Variants in CNBD1 observed in about 807,000 individuals in gnomAD.
The protein encoded by CNBD1 is cyclic nucleotide-binding domain-containing protein 1.
A neutral mutation model predicts 54.4 loss-of-function variants in CNBD1; 71 were observed. The observed-to-expected ratio is 1.30, with a 90% CI of 1.08 to 1.59. CNBD1 has a LOEUF of 1.59. Among genes scored for constraint, CNBD1 ranks in the 40% most tolerant of loss-of-function variants. The probability of loss-of-function intolerance (pLI) is 0.00; values close to 1 mark genes in which losing one functional copy is unlikely to be tolerated. For missense variants in CNBD1, 659 were observed against 518.0 expected (o/e 1.27, Z -2.64); for synonymous variants, 182 against 170.7 (o/e 1.07, Z -0.51).
Position 87,343,724 on chromosome 8 carries a change from A to T in CNBD1, c.1043-7961A>T, listed in dbSNP as rs192462518. Among the ~76,000 whole-genome samples, 21 of 152,278 alleles carry T rather than the reference A, an allele frequency of 1.4e-4. No individual in the cohort carries two copies. In the Middle Eastern group the frequency reaches 0.017, roughly 123 times the overall value. On this transcript the variant is annotated intron_variant, in intron 8 of 10. Transcript: ENST00000518476. ...GCATATTTCTATCAGTAATCATTTT[A>T]AAAAATATTAACTTATTGGCAGTAT...
At chr8:87,272,333 A>G (rs1808385280) in intron 6 of CNBD1, among the ~76,000 whole-genome samples, 1 of 152,018 alleles carries the variant, frequency 6.6e-6, no homozygotes, top group African/African-American at 2.4e-5. Context: ...ACATGTATCT[A>G]AAAAATATGT....
At chr8:86,919,971 A>G (rs1011331592) in intron 3 of CNBD1, among the ~76,000 whole-genome samples, 4 of 152,092 alleles carry the variant, frequency 2.6e-5, no homozygotes, top group Non-Finnish European at 5.9e-5. Context: ...TTGAACAGCA[A>G]GTTTACTGTT....
intron 5 of CNBD1, among the ~76,000 whole-genome samples, chr8:87,225,995 C>T (rs1172065770): frequency 6.6e-6 from 1 of 151,486 alleles, no homozygotes; most frequent in Non-Finnish European, 1.5e-5. Flanking sequence ...AGGAATGTAT[C>T]CATTTCTTCT....
At chr8:87,394,086 A>G (rs939466055) in intron 2 of CNBD1, among the ~76,000 whole-genome samples, 1 of 151,920 alleles carries the variant, frequency 6.6e-6, no homozygotes, top group Admixed American at 6.6e-5. Context: ...TTCTATGGAC[A>G]TGATCACAGG....
intron 10 of CNBD1, among the ~76,000 whole-genome samples, chr8:87,360,886 C>T (rs75732931): frequency 0.019 from 2,840 of 151,914 alleles, 88 homozygotes; most frequent in African/African-American, 0.062. Context: ...ATACAAAGCA[C>T]AGGAGGTCAG....
chr8:87,248,497 C>T (rs1026037278), intron 6 of CNBD1, among the ~76,000 whole-genome samples: 5 of 152,196 alleles, frequency 3.3e-5, no homozygotes, highest in Admixed American at 1.3e-4. Flanking sequence ...TTTGTGTTCA[C>T]ATTTTTTTCT....
At chr8:87,198,345 G>A (rs1359238289) in intron 4 of CNBD1, among the ~76,000 whole-genome samples, 1 of 152,154 alleles carries the variant, frequency 6.6e-6, no homozygotes, top group East Asian at 1.9e-4. Context: ...CATTCACAGG[G>A]CGTTGTTGTT....
chr8:87,301,650 C>G (rs970320653), intron 8 of CNBD1, among the ~76,000 whole-genome samples: 7 of 152,026 alleles, frequency 4.6e-5, no homozygotes, highest in African/African-American at 1.4e-4. Flanking sequence ...AAGAGCAGAA[C>G]TGAAGGAAAT....
chr8:86,898,858 A>G (rs978513362), intron 2 of CNBD1, among the ~76,000 whole-genome samples: 1 of 152,188 alleles, frequency 6.6e-6, no homozygotes, highest in Non-Finnish European at 1.5e-5. Context: ...TCTGTCAAAG[A>G]CACTGTTAGA....
intron 4 of CNBD1, among the ~76,000 whole-genome samples, chr8:87,117,663 CAAGAT>C (rs1477927978): frequency 6.6e-6 from 1 of 152,102 alleles, no homozygotes; most frequent in Non-Finnish European, 1.5e-5. Context: ...AGTTAGAAAT[CAAGAT>C]AAGGAGTGAG....
rs972154603 is a variant in CNBD1, at chr8:87,231,710, C to G, written c.578-5209C>G. ...GACATATCATAGCATCAGGATATTT[C>G]ACCCCTAAACACTTCAGAGTGTATC... is the stretch of plus-strand genomic sequence containing the variant. On this transcript the variant is annotated intron_variant, in intron 5 of 10. Coordinates refer to ENST00000518476, the MANE Select transcript of CNBD1 (RefSeq NM_173538.3). 4.3e-4 allele frequency among the ~76,000 whole-genome samples: 65 copies of G among 152,116 alleles called. 3 individuals are homozygous for G. Among genetic ancestry groups the G allele is most frequent in the Admixed American group, 1.3e-4 (2 of 15,264 alleles).
intron 4 of CNBD1, among the ~76,000 whole-genome samples, chr8:87,099,058 AAAC>A (rs1369788031): frequency 7.5e-5 from 11 of 147,568 alleles, no homozygotes; most frequent in African/African-American, 2.6e-4. Flanking sequence ...AAAAAAAAAA[AAAC>A]AAAACTCCAA....
chr8:87,307,499 A>C (rs1349623735), intron 8 of CNBD1, among the ~76,000 whole-genome samples: 1 of 152,152 alleles, frequency 6.6e-6, no homozygotes, highest in Non-Finnish European at 1.5e-5. Context: ...GCATGTTTGG[A>C]GGCTGAGGCA....
At chr8:87,119,079 G>A (rs540047653) in intron 4 of CNBD1, among the ~76,000 whole-genome samples, 2 of 151,990 alleles carry the variant, frequency 1.3e-5, no homozygotes, top group East Asian at 1.9e-4. Flanking sequence ...GAGAACACAG[G>A]CCTTTTTTGG....
At chr8:87,412,728 C>A (rs943655141) in intron 2 of CNBD1, among the ~76,000 whole-genome samples, 2 of 151,984 alleles carry the variant, frequency 1.3e-5, no homozygotes, top group East Asian at 1.9e-4. Flanking sequence ...TCACAGGAGC[C>A]TCTGTGACAT....
chr8:87,376,087 G>A (rs1417636951), intron 10 of CNBD1, among the ~76,000 whole-genome samples: 1 of 151,936 alleles, frequency 6.6e-6, no homozygotes, highest in Non-Finnish European at 1.5e-5. Flanking sequence ...AGATTCAGCA[G>A]CTTGTTCTAT....
rs1425622050 is a variant in CNBD1, at chr8:87,353,740, C to A, written c.1257C>A (p.Thr419=). 7 of 1,609,440 alleles carry A rather than the reference C, an allele frequency of 4.3e-6. No homozygotes were observed. The highest frequency in any genetic ancestry group is 5.9e-6 in the Non-Finnish European group (7 of 1,178,030). The change falls in exon 10 of 11, where the codon ACC becomes ACA. Residue 419 remains threonine (T), a synonymous_variant. Coordinates refer to ENST00000518476, the MANE Select transcript of CNBD1 (RefSeq NM_173538.3). The part of the protein sequence containing the change: ...LQVPFTCTII[T]KKEVEMAIIE... ...TTCCTTTCACGTGCACAATCATTACCAAAAAAGAAGTTGAGATGGCAATCA... is the reference window on the plus strand; with the variant it reads ...TTCCTTTCACGTGCACAATCATTACAAAAAAAGAAGTTGAGATGGCAATCA...
At chr8:87,033,729 T>C (rs1362436651) in intron 4 of CNBD1, among the ~76,000 whole-genome samples, 1 of 152,056 alleles carries the variant, frequency 6.6e-6, no homozygotes, top group Non-Finnish European at 1.5e-5. Context: ...GGTACATATA[T>C]CATTTCTCCT....
chr8:87,316,260 T>G (rs1809383418), intron 8 of CNBD1, among the ~76,000 whole-genome samples: 1 of 151,836 alleles, frequency 6.6e-6, no homozygotes, highest in Admixed American at 6.6e-5. Context: ...CTCAAGGAGG[T>G]GAAGAGAAAT....
Sources: allele counts gnomAD v4.1 joint callset (sites outside exome capture counted in the v4.1 genomes callset), GRCh38; gene constraint gnomAD v4.1.1; transcripts MANE v1.5; gene names NCBI Gene and HGNC (gene_info 2026-07-23, HGNC 2026-07-21).